Variants in KMT5B observed in about 807,000 individuals in gnomAD.
The protein encoded by KMT5B is histone-lysine N-methyltransferase KMT5B.
KMT5B carries 10 observed loss-of-function variants against 83.2 expected under a neutral mutation model. The ratio of observed to expected loss-of-function variants is 0.12; its 90% CI spans 0.07 to 0.20. The LOEUF (loss-of-function observed/expected upper bound fraction) is 0.20, where lower values mean the gene tolerates loss of function less well. Among genes scored for constraint, KMT5B ranks in the 10% least tolerant of loss-of-function variants. KMT5B has a pLI of 1.00. For missense variants in KMT5B, 753 were observed against 1,067.2 expected (o/e 0.71, Z 4.10); for synonymous variants, 349 against 388.8 (o/e 0.90, Z 1.20).
At chr11:68,170,705 G>C (rs1245375041) in intron 9 of KMT5B, among the ~76,000 whole-genome samples, 3 of 152,138 alleles carry the variant, frequency 2.0e-5, no homozygotes, top group Non-Finnish European at 4.4e-5. Context: ...CCCCATTCTG[G>C]CATTGCGTGT....
intron 10 of KMT5B, 168 bp downstream of exon 10, chr11:68,166,814 A>G: frequency 6.9e-7 from 1 of 1,442,062 alleles, no homozygotes; most frequent in Non-Finnish European, 9.1e-7. Context: ...TGGGATACAG[A>G]CTGTGCCTCT....
intron 2 of KMT5B, among the ~76,000 whole-genome samples, chr11:68,187,709 C>T (rs1393703430): frequency 1.3e-5 from 2 of 152,198 alleles, no homozygotes; most frequent in African/African-American, 4.8e-5. Flanking sequence ...TTAAGCTGTT[C>T]TATCCATTAT....
In KMT5B at chr11:68,156,179, C is replaced by T. The variant is rs1484553016; in HGVS notation, c.*1509G>A. 1 of 152,094 alleles carries T rather than the reference C, an allele frequency of 6.6e-6. No homozygotes were observed. Among genetic ancestry groups the T allele is most frequent in the Non-Finnish European group, 1.5e-5 (1 of 68,014 alleles). The allele number at this position is 152,094 out of a possible 1,614,324, so 9.4% of individuals were successfully genotyped here. A position where few individuals can be genotyped will look rare whatever the true frequency, so the allele number is the denominator to read the frequency against. ...CTTTCCTATAGACACTATACAAATC[C>T]CCTGAATTGATTTTTACTTAGGAAC... On this transcript the variant is annotated 3_prime_UTR_variant, in exon 11 of 11. Transcript: ENST00000304363.
At chr11:68,195,210 T>G (rs1490192445) in intron 1 of KMT5B, among the ~76,000 whole-genome samples, 1 of 152,196 alleles carries the variant, frequency 6.6e-6, no homozygotes, top group African/African-American at 2.4e-5. Flanking sequence ...AAATGTATTT[T>G]ATATTTCAAG....
chr11:68,185,124 T>G (rs1171840316), intron 3 of KMT5B, among the ~76,000 whole-genome samples: 2 of 152,186 alleles, frequency 1.3e-5, no homozygotes, highest in Admixed American at 6.5e-5. Flanking sequence ...GGATGTACCC[T>G]ACTTTAGGTT....
At chr11:68,186,044 AT>A (rs770511369) in intron 2 of KMT5B, 116 bp from the exon 3 acceptor site, 1 of 887,194 alleles carries the variant, frequency 1.1e-6, no homozygotes, top group Non-Finnish European at 1.7e-6. Flanking sequence ...AAAATCAATC[AT>A]TTTAGTAATT....
In KMT5B at chr11:68,158,663, C is replaced by T; in HGVS notation, c.1683G>A (p.Leu561=). The change falls in exon 11 of 11, where the codon TTG becomes TTA. Residue 561 remains leucine (L), a synonymous_variant. Coordinates refer to ENST00000304363, the MANE Select transcript of KMT5B (RefSeq NM_017635.5). ...ASDIKLEPNT[L]NGYKSSVTEP... is the part of the protein sequence containing the mutation. ...CCGTCACACTGCTTTTATAGCCATT[C>T]AACGTATTTGGTTCAAGCTTGATGT... The T allele has an allele frequency of 6.2e-7, 1 of 1,614,114 alleles. No homozygotes were observed. Among genetic ancestry groups the T allele is most frequent in the Non-Finnish European group, 8.5e-7 (1 of 1,180,022 alleles).
At chr11:68,172,098 C>T (rs529186281) in intron 6 of KMT5B, among the ~76,000 whole-genome samples, 8 of 152,134 alleles carry the variant, frequency 5.3e-5, no homozygotes, top group South Asian at 2.1e-4. Context: ...TATGAGGATC[C>T]GGAATCATGG....
At chr11:68,169,713 TC>T (rs1327499604) in intron 9 of KMT5B, among the ~76,000 whole-genome samples, 2 of 152,210 alleles carry the variant, frequency 1.3e-5, no homozygotes, top group Non-Finnish European at 2.9e-5. Flanking sequence ...GTTGCAGGAT[TC>T]CAACCCAGGC....
chr11:68,211,215 G>A (rs1175830730), intron 1 of KMT5B, among the ~76,000 whole-genome samples: 2 of 152,062 alleles, frequency 1.3e-5, no homozygotes, highest in Admixed American at 6.6e-5. Context: ...TCCTTCACAC[G>A]CGTCTCTCCC....
At chr11:68,181,216 G>A (rs529661553) in intron 3 of KMT5B, among the ~76,000 whole-genome samples, 5 of 151,878 alleles carry the variant, frequency 3.3e-5, no homozygotes, top group African/African-American at 7.2e-5. Context: ...CTGGGATTAC[G>A]GGCACGCACC....
chr11:68,204,584 C>T (rs1859839626), intron 1 of KMT5B, among the ~76,000 whole-genome samples: 1 of 148,240 alleles, frequency 6.7e-6, no homozygotes, highest in African/African-American at 2.5e-5. Context: ...CTTCTGGCCT[C>T]GAAAACCGTG....
intron 3 of KMT5B, among the ~76,000 whole-genome samples, chr11:68,183,850 G>T (rs182522265): frequency 6.7e-6 from 1 of 149,970 alleles, no homozygotes; most frequent in East Asian, 2.0e-4. Flanking sequence ...AGTAGAGATG[G>T]GATTTCATCA....
chr11:68,174,013 T>G (rs1047938595), intron 5 of KMT5B, 100 bp from the exon 6 acceptor site: 2 of 814,526 alleles, frequency 2.5e-6, no homozygotes, highest in African/African-American at 1.7e-5. Flanking sequence ...ATGAAAAAAA[T>G]GTAAGATCTA....
chr11:68,170,969 T>G, intron 9 of KMT5B, 46 bp downstream of exon 9: 1 of 1,546,372 alleles, frequency 6.5e-7, no homozygotes, highest in South Asian at 1.2e-5. Context: ...ATAATCAGGT[T>G]GTTAACAAAA....
chr11:68,196,966 G>A (rs143008511), intron 1 of KMT5B, among the ~76,000 whole-genome samples: 2,367 of 151,976 alleles, frequency 0.016, 64 homozygotes, highest in African/African-American at 0.055. Flanking sequence ...TATCCATGGA[G>A]AGTCTTTTTT....
chr11:68,181,026 GC>G (rs1009936953), intron 3 of KMT5B, among the ~76,000 whole-genome samples: 4 of 151,266 alleles, frequency 2.6e-5, no homozygotes, highest in African/African-American at 9.7e-5. Context: ...TCAAAACATA[GC>G]CAGTTTTGAA....
intron 3 of KMT5B, among the ~76,000 whole-genome samples, chr11:68,185,211 C>T (rs1857326032): frequency 1.4e-5 from 2 of 147,114 alleles, no homozygotes; most frequent in Admixed American, 1.4e-4. Context: ...TTGTCATCAC[C>T]TTTTTTTTTT....
chr11:68,174,391 A>C (rs555893593), intron 5 of KMT5B, among the ~76,000 whole-genome samples: 110 of 152,282 alleles, frequency 7.2e-4, no homozygotes, highest in African/African-American at 2.6e-3. Context: ...TTTGAGTGTC[A>C]GGTCGGTGTT....
Sources: gnomAD v4.1 joint callset for allele counts (sites outside exome capture counted in the v4.1 genomes callset) on GRCh38, gnomAD v4.1.1 for gene constraint, MANE v1.5 for transcripts, NCBI Gene and HGNC (gene_info 2026-07-23, HGNC 2026-07-21) for gene names.